The following ZMAT3 variants were observed in gnomAD, a reference collection of about 807,000 sequenced individuals.
ZMAT3 encodes zinc finger matrin-type 3, also known as zinc finger matrin-type protein 3.
ZMAT3 carries 17 observed loss-of-function variants against 32.3 expected under a neutral mutation model. The observed-to-expected ratio is 0.53, with a 90% CI of 0.36 to 0.79. ZMAT3 has a LOEUF of 0.79. Ranked by LOEUF, ZMAT3 falls within the 30% of genes least tolerant of loss-of-function variation. The pLI is 0.00. For missense variants in ZMAT3, 329 were observed against 359.7 expected, an observed-to-expected ratio of 0.91 and a Z score of 0.69; for synonymous variants, 120 against 133.1, an observed-to-expected ratio of 0.90 and a Z score of 0.68.
At position 179,049,750 on chromosome 3, in the gene ZMAT3, T is replaced by G. The variant is rs538713576; in HGVS notation, c.270+17733A>C. On this transcript the variant is annotated intron_variant, in intron 2 of 5. Coordinates refer to ENST00000311417, the MANE Select transcript of ZMAT3 (RefSeq NM_022470.4). ...GCTCATGCCTGTAATCCCAGCACTT[T>G]GGGAGGCCAAGGCAGGCGGATCACG... Among the ~76,000 whole-genome samples the G allele has an allele frequency of 3.5e-4, 54 of 152,180 alleles. No homozygotes were observed. In the Middle Eastern group the frequency reaches 0.01, roughly 29 times the overall value.
At chr3:179,044,552 G>A (rs1015132839) in intron 2 of ZMAT3, among the ~76,000 whole-genome samples, 1 of 152,154 alleles carries the variant, frequency 6.6e-6, no homozygotes, top group Non-Finnish European at 1.5e-5. Context: ...GCTGAGGCAG[G>A]AGAATGGCAT....
chr3:179,063,871 T>C (rs1045380570), intron 2 of ZMAT3, among the ~76,000 whole-genome samples: 5 of 152,248 alleles, frequency 3.3e-5, no homozygotes, highest in African/African-American at 2.4e-5. Context: ...TAGCTAATGA[T>C]GTTTTGAAGC....
In ZMAT3 at chr3:179,047,579, G is replaced by A. The variant is rs184173592; in HGVS notation, c.271-16580C>T. ...CAATCAAGGAGGCACCAGGCCGAGC[G>A]TGGTGGCTCACGCCTGTAATCCCAG... is the stretch of plus-strand genomic sequence containing the variant. On this transcript the variant is annotated intron_variant, in intron 2 of 5. Transcript: ENST00000311417. 1.7e-3 allele frequency among the ~76,000 whole-genome samples: 266 copies of A among 152,054 alleles called. 4 individuals are homozygous for A. The highest frequency in any genetic ancestry group is 0.014 in the Admixed American group (214 of 15,286).
chr3:179,064,575 G>A (rs975531853), intron 2 of ZMAT3, among the ~76,000 whole-genome samples: 2 of 152,104 alleles, frequency 1.3e-5, no homozygotes, highest in Non-Finnish European at 2.9e-5. Flanking sequence ...GACTACAAGT[G>A]TCTGCCACTA....
chr3:179,053,606 T>A (rs557902413), intron 2 of ZMAT3, among the ~76,000 whole-genome samples: 15 of 152,320 alleles, frequency 9.8e-5, no homozygotes, highest in African/African-American at 3.6e-4. Flanking sequence ...TGGCAGGCAG[T>A]AGCTTAAACA....
At chr3:179,031,704 C>T (rs1163536512) in intron 2 of ZMAT3, among the ~76,000 whole-genome samples, 1 of 151,968 alleles carries the variant, frequency 6.6e-6, no homozygotes, top group African/African-American at 2.4e-5. Context: ...GTCAGGAGTT[C>T]GAGACCAGCC....
rs980595123 is a variant in ZMAT3 at position 179,055,249 on chromosome 3, G to A, written c.270+12234C>T. Among the ~76,000 whole-genome samples, 7 of 152,064 alleles carry A rather than the reference G, an allele frequency of 4.6e-5. No individual in the cohort carries two copies. In the East Asian group the frequency reaches 7.7e-4, roughly 17 times the overall value. ...ACGATTTATATTCTTCTGCAGTACC[G>A]CCTGGCCACAATATCCTCTTCAAGG... is the stretch of plus-strand genomic sequence containing the variant. On this transcript the variant is annotated intron_variant, in intron 2 of 5. Transcript: ENST00000311417.
chr3:179,042,623 A>C (rs1198194908), intron 2 of ZMAT3, among the ~76,000 whole-genome samples: 1 of 152,224 alleles, frequency 6.6e-6, no homozygotes, highest in East Asian at 1.9e-4. Context: ...TATCACACTG[A>C]ATGGGCAAAA....
At position 179,033,015 on chromosome 3, in the gene ZMAT3, C is replaced by T. The variant is rs1429660960; in HGVS notation, c.271-2016G>A. On this transcript the variant is annotated intron_variant, in intron 2 of 5. Transcript: ENST00000311417. ...CCAACAGCTCATTGAGAACGGGCCA[C>T]GATGACGATGGCGGTTTTGTCGAAT... is the stretch of plus-strand genomic sequence containing the variant. Among the ~76,000 whole-genome samples the T allele has an allele frequency of 2.6e-5, 4 of 152,146 alleles. No homozygotes were observed. In the East Asian group the frequency reaches 5.8e-4, roughly 22 times the overall value.
rs532831122 is a variant in ZMAT3, at chr3:179,048,988, T to C, written c.271-17989A>G. On this transcript the variant is annotated intron_variant, in intron 2 of 5. Transcript: ENST00000311417. The stretch of plus-strand genomic sequence containing the variant: ...TAACAGGGTGAAAAAAGATATTCTA[T>C]GCAAATGGACAACAAAAGTGAGCAG... 5.3e-5 allele frequency among the ~76,000 whole-genome samples: 8 copies of C among 152,160 alleles called. No individual in the cohort carries two copies. The South Asian group carries it at 1.2e-3, about 24-fold the overall frequency.
At chr3:179,029,159 C>CAAA (rs1177755757) in intron 3 of ZMAT3, among the ~76,000 whole-genome samples, 1 of 108,250 alleles carries the variant, frequency 9.2e-6, no homozygotes, top group Non-Finnish European at 2.0e-5. Context: ...AACTCCATCT[C>CAAA]AAAAAAAAAA....
In ZMAT3 at chr3:179,024,749, T is replaced by C; in HGVS notation, c.*268A>G. On this transcript the variant is annotated 3_prime_UTR_variant, in exon 6 of 6. Transcript: ENST00000311417. ...GAGCAAGATAAAAAGTTATTTCTGA[T>C]GGGGTAGGTAGGTCACATGCTATGA... 1 of 368,576 alleles carries C rather than the reference T, an allele frequency of 2.7e-6. No individual in the cohort carries two copies. The highest frequency in any genetic ancestry group is 5.0e-6 in the Non-Finnish European group (1 of 199,438). 22.8% of individuals were successfully genotyped at this position (368,576 alleles called of 1,614,324 possible). A position where few individuals can be genotyped will look rare whatever the true frequency, so the allele number is the denominator to read the frequency against.
At chr3:179,035,548 C>T (rs1576846382) in intron 2 of ZMAT3, among the ~76,000 whole-genome samples, 2 of 152,116 alleles carry the variant, frequency 1.3e-5, no homozygotes, top group African/African-American at 2.4e-5. Flanking sequence ...CCACACTGGC[C>T]GGTTTTATTT....
intron 3 of ZMAT3, among the ~76,000 whole-genome samples, chr3:179,030,660 G>A (rs2108540473): frequency 6.6e-6 from 1 of 152,178 alleles, no homozygotes; most frequent in South Asian, 2.1e-4. Flanking sequence ...GGCCTATTTA[G>A]CCCAGAATTT....
rs1231975360 is a variant in ZMAT3, at chr3:179,025,219, T to C, written c.668A>G (p.Tyr223Cys). 3 of 1,613,118 alleles carry C rather than the reference T, an allele frequency of 1.9e-6. No homozygotes were observed. Among genetic ancestry groups the C allele is most frequent in the Non-Finnish European group, 2.5e-6 (3 of 1,179,508 alleles). Reference sequence around the variant, plus strand: ...TCTCTGCCGAGAGCGGGGATTGAAGTAAGGACCTGCTAAAGCAAGAGATAA... The same window carrying C: ...TCTCTGCCGAGAGCGGGGATTGAAGCAAGGACCTGCTAAAGCAAGAGATAA... ...YTVQNNSAGP[Y>C]FNPRSRQRIP... The change falls in exon 6 of 6, where the codon TAC becomes TGC. Residue 223 changes from tyrosine (Y) to cysteine (C), a missense_variant. Tyr to Cys is a radical substitution (Grantham distance 194, BLOSUM62 -2). Transcript: ENST00000311417.
chr3:179,027,596 C>T, intron 4 of ZMAT3, 50 bp downstream of exon 4: 2 of 1,613,682 alleles, frequency 1.2e-6, no homozygotes, highest in Non-Finnish European at 1.7e-6. Context: ...TCTTTAAAGA[C>T]AGTCAATCTC....
At chr3:179,056,738 C>T (rs377722826) in intron 2 of ZMAT3, among the ~76,000 whole-genome samples, 1 of 152,330 alleles carries the variant, frequency 6.6e-6, no homozygotes, top group Admixed American at 6.5e-5. Context: ...CTGTCCCAGA[C>T]AACTGTCCTC....
chr3:179,056,971 G>T (rs1382166744), intron 2 of ZMAT3, among the ~76,000 whole-genome samples: 1 of 152,120 alleles, frequency 6.6e-6, no homozygotes, highest in Admixed American at 6.5e-5. Flanking sequence ...GCTTGAGGAA[G>T]GAATTAATCC....
rs1441466949 is a variant in ZMAT3, at chr3:179,019,466, A to C, written c.*5551T>G. 6.6e-6 allele frequency: 1 copy of C among 152,108 alleles called. No homozygotes were observed. The highest frequency in any genetic ancestry group is 2.4e-5 in the African/African-American group (1 of 41,434). 9.4% of individuals were successfully genotyped at this position (152,108 alleles called of 1,614,324 possible). ...ATCTGATGGATCGATGGATGAAAAG[A>C]GGGATAGAGAATATGAACAGATACA... is the stretch of plus-strand genomic sequence containing the variant. On this transcript the variant is annotated 3_prime_UTR_variant, in exon 6 of 6. Transcript: ENST00000311417.
Sources: allele counts gnomAD v4.1 joint callset (sites outside exome capture counted in the v4.1 genomes callset), GRCh38; gene constraint gnomAD v4.1.1; transcripts MANE v1.5; gene names NCBI Gene and HGNC (gene_info 2026-07-23, HGNC 2026-07-21).